Variants in KCNH7 observed in about 807,000 individuals in gnomAD.
The protein encoded by KCNH7 is potassium voltage-gated channel subfamily H member 7.
A neutral mutation model predicts 120.8 loss-of-function variants in KCNH7; 49 were observed. The observed-to-expected ratio is 0.41, with a 90% CI of 0.32 to 0.51. The LOEUF (loss-of-function observed/expected upper bound fraction) is 0.51. Among genes scored for constraint, KCNH7 ranks in the 20% least tolerant of loss-of-function variants. The pLI, the probability that KCNH7 is intolerant of heterozygous loss-of-function variation, is 0.38. For synonymous variants in KCNH7, 547 were observed against 516.1 expected, an observed-to-expected ratio of 1.06 and a Z score of -0.81; for missense variants, 1,097 against 1,446.6, an observed-to-expected ratio of 0.76 and a Z score of 3.92.
intron 3 of KCNH7, among the ~76,000 whole-genome samples, chr2:162,536,100 G>T (rs552083823): frequency 1.3e-5 from 2 of 151,944 alleles, no homozygotes; most frequent in South Asian, 4.1e-4. Flanking sequence ...AGTGGTGAAA[G>T]CTTTTCTAAT....
intron 2 of KCNH7, among the ~76,000 whole-genome samples, chr2:162,665,098 A>C (rs1559071317): frequency 6.6e-6 from 1 of 151,280 alleles, no homozygotes; most frequent in African/African-American, 2.5e-5. Context: ...CATTATGAAA[A>C]GTGAAAAAAA....
intron 2 of KCNH7, among the ~76,000 whole-genome samples, chr2:162,747,294 T>G (rs1428355108): frequency 6.6e-6 from 1 of 152,134 alleles, no homozygotes; most frequent in Admixed American, 6.5e-5. Context: ...GGTTAGGTTT[T>G]GAGGGTTTAA....
chr2:162,412,213 T>C (rs1687411312), intron 9 of KCNH7, among the ~76,000 whole-genome samples: 1 of 152,096 alleles, frequency 6.6e-6, no homozygotes, highest in Admixed American at 6.6e-5. Context: ...TATATTTTAT[T>C]TGACTCACTA....
chr2:162,714,027 C>T (rs1333010167), intron 2 of KCNH7, among the ~76,000 whole-genome samples: 1 of 152,236 alleles, frequency 6.6e-6, no homozygotes, highest in Non-Finnish European at 1.5e-5. Flanking sequence ...GGATTACAGG[C>T]ATGAGCCACC....
intron 2 of KCNH7, among the ~76,000 whole-genome samples, chr2:162,585,494 C>A (rs560741491): frequency 6.6e-6 from 1 of 152,096 alleles, no homozygotes; most frequent in Non-Finnish European, 1.5e-5. Context: ...CTAATCTTTC[C>A]AAACTGGGAT....
chr2:162,557,866 T>C (rs940008604), intron 2 of KCNH7, among the ~76,000 whole-genome samples: 1 of 152,174 alleles, frequency 6.6e-6, no homozygotes, highest in African/African-American at 2.4e-5. Context: ...AAGATAAAGG[T>C]AAGCAGTAAA....
intron 2 of KCNH7, among the ~76,000 whole-genome samples, chr2:162,748,718 C>T (rs1211646818): frequency 6.6e-6 from 1 of 152,120 alleles, no homozygotes; most frequent in African/African-American, 2.4e-5. Flanking sequence ...TTTCCAATGA[C>T]TCTAAAGATT....
At chr2:162,768,191 T>C (rs546246030) in intron 2 of KCNH7, among the ~76,000 whole-genome samples, 3 of 152,310 alleles carry the variant, frequency 2.0e-5, no homozygotes, top group East Asian at 3.9e-4. Flanking sequence ...AAAGACTAAT[T>C]TGGCAGTACA....
At chr2:162,757,983 A>G (rs1266721018) in intron 2 of KCNH7, among the ~76,000 whole-genome samples, 2 of 152,156 alleles carry the variant, frequency 1.3e-5, no homozygotes, top group African/African-American at 4.8e-5. Context: ...GAGTACTATG[A>G]GTAATAGTAG....
At chr2:162,798,141 C>A (rs1268452740) in intron 2 of KCNH7, among the ~76,000 whole-genome samples, 1 of 152,068 alleles carries the variant, frequency 6.6e-6, no homozygotes, top group African/African-American at 2.4e-5. Context: ...CCCATGTAAA[C>A]TATACATAGT....
intron 6 of KCNH7, among the ~76,000 whole-genome samples, chr2:162,484,339 G>T (rs1690024044): frequency 6.6e-6 from 1 of 151,994 alleles, no homozygotes; most frequent in African/African-American, 2.4e-5. Context: ...GAAGTGTACA[G>T]GTCTCAATGC....
chr2:162,577,382 T>TATCTATCTATCTATCTATCTATCC, intron 2 of KCNH7, among the ~76,000 whole-genome samples: 1 of 149,908 alleles, frequency 6.7e-6, no homozygotes, highest in East Asian at 2.0e-4. Context: ...TCTATCTATC[T>TATCTATCTATCTATCTATCTATCC]ATCTATCTAT....
chr2:162,743,315 C>T (rs1205750671), intron 2 of KCNH7, among the ~76,000 whole-genome samples: 1 of 151,652 alleles, frequency 6.6e-6, no homozygotes, highest in East Asian at 1.9e-4. Context: ...TTTAAAAAAG[C>T]TTCAGAAAGA....
At chr2:162,396,588 A>T (rs1686918009) in intron 11 of KCNH7, 152 bp downstream of exon 11, 1 of 608,720 alleles carries the variant, frequency 1.6e-6, no homozygotes, top group Non-Finnish European at 2.8e-6. Flanking sequence ...TAATTCAGAA[A>T]TTTTAATATT....
chr2:162,380,437 A>C (rs1244323822), intron 13 of KCNH7, among the ~76,000 whole-genome samples: 2 of 152,114 alleles, frequency 1.3e-5, no homozygotes, highest in Admixed American at 6.5e-5. Flanking sequence ...CCACAGGATA[A>C]CTTGCATACG....
At chr2:162,770,426 G>C (rs559205897) in intron 2 of KCNH7, among the ~76,000 whole-genome samples, 2 of 151,306 alleles carry the variant, frequency 1.3e-5, no homozygotes, top group Admixed American at 1.3e-4. Flanking sequence ...AACTATTAAA[G>C]ATGAGATTTA....
intron 2 of KCNH7, among the ~76,000 whole-genome samples, chr2:162,541,888 TAA>T (rs1465370577): frequency 6.6e-6 from 1 of 152,104 alleles, no homozygotes; most frequent in African/African-American, 2.4e-5. Flanking sequence ...TGTTGCAGGC[TAA>T]GAGAAGAGGT....
rs1412418483 is a variant in KCNH7, at chr2:162,453,729, T to C, written c.1129-7286A>G. On this transcript the variant is annotated intron_variant, in intron 6 of 15. Transcript: ENST00000332142. Reference sequence around the variant, plus strand: ...TAATGATCAGTGGTGAAGAGCTTTTTTTCATATGTTTCTTGGCCACATAAA... The same window carrying C: ...TAATGATCAGTGGTGAAGAGCTTTTCTTCATATGTTTCTTGGCCACATAAA... Among the ~76,000 whole-genome samples the C allele has an allele frequency of 2.0e-5, 3 of 152,246 alleles. 1 individual carries two copies. Among genetic ancestry groups the C allele is most frequent in the Non-Finnish European group, 4.4e-5 (3 of 68,040 alleles).
intron 2 of KCNH7, among the ~76,000 whole-genome samples, chr2:162,688,155 T>C (rs1685963505): frequency 6.6e-6 from 1 of 152,206 alleles, no homozygotes; most frequent in Non-Finnish European, 1.5e-5. Context: ...AGTTTTCCAA[T>C]GGAGTTATGA....
Sources: allele counts gnomAD v4.1 joint callset (sites outside exome capture counted in the v4.1 genomes callset), GRCh38; gene constraint gnomAD v4.1.1; transcripts MANE v1.5; gene names NCBI Gene and HGNC (gene_info 2026-07-23, HGNC 2026-07-21).